ATXN10: variants seen among roughly 807,000 people sequenced by gnomAD.
The protein encoded by ATXN10 is ataxin 10.
A neutral mutation model predicts 52.9 loss-of-function variants in ATXN10; 28 were observed. That is an observed-to-expected ratio of 0.53 (90% CI 0.39 to 0.73). ATXN10 has a LOEUF of 0.73. Among genes scored for constraint, ATXN10 ranks in the 30% least tolerant of loss-of-function variants. The pLI is 0.00. For missense variants in ATXN10, 565 were observed against 577.0 expected (o/e 0.98, Z 0.21); for synonymous variants, 226 against 221.5 (o/e 1.02, Z -0.18).
At chr22:45,788,284 C>T (rs1366737460) in intron 9 of ATXN10, among the ~76,000 whole-genome samples, 1 of 152,006 alleles carries the variant, frequency 6.6e-6, no homozygotes, top group African/African-American at 2.4e-5. Flanking sequence ...CGAAATATGC[C>T]CAAACTGTGC....
rs115180213 is a variant in ATXN10 at position 45,789,673 on chromosome 22, G to C, written c.1174-17286G>C. On this transcript the variant is annotated intron_variant, in intron 9 of 11. Transcript: ENST00000252934. The surrounding 1 kb of genome is among the most constrained non-coding windows in gnomAD (Gnocchi z 4.0). ...CTTCTAACCCATCCAGCCCCTTTGT[G>C]GTGGTGGTGGTGGTGCACTGATGTG... 1.3e-5 allele frequency among the ~76,000 whole-genome samples: 2 copies of C among 152,096 alleles called. No homozygotes were observed. Among genetic ancestry groups the C allele is most frequent in the Non-Finnish European group, 2.9e-5 (2 of 68,004 alleles).
chr22:45,760,427 C>T (rs780946355), intron 9 of ATXN10: 1 of 154,086 alleles, frequency 6.5e-6, no homozygotes, highest in Non-Finnish European at 1.5e-5. Flanking sequence ...TGCAGTTCAA[C>T]AGTGGAGTCA....
intron 10 of ATXN10, among the ~76,000 whole-genome samples, chr22:45,827,010 G>A (rs191350126): frequency 2.6e-5 from 4 of 152,108 alleles, no homozygotes; most frequent in East Asian, 3.9e-4. Flanking sequence ...TATGTTAACC[G>A]AAAGGAGTAA....
At chr22:45,717,788 C>T (rs1334008438) in intron 5 of ATXN10, among the ~76,000 whole-genome samples, 1 of 152,178 alleles carries the variant, frequency 6.6e-6, no homozygotes, top group African/African-American at 2.4e-5. Flanking sequence ...GTCTTTTCCT[C>T]AGATGCCCTC....
chr22:45,740,414 T>C lies in ATXN10; in HGVS notation c.1049T>C (p.Ile350Thr), dbSNP rs1340806436. The part of the protein sequence containing the change: ...IHVAGKETTN[I>T]FSNCGCVRAE... ...GTAGCTGGAAAAGAAACCACAAACA[T>C]CTTCAGTAATTGTGGTTGCGTGAGA... The change falls in exon 9 of 12, where the codon ATC (isoleucine) becomes ACC (threonine). Residue 350 changes from isoleucine to threonine, a missense_variant. By Grantham distance (89) the Ile-to-Thr change is moderately conservative. Transcript: ENST00000252934. 1 of 1,613,908 alleles carries C rather than the reference T, an allele frequency of 6.2e-7. No homozygotes were observed. Among genetic ancestry groups the C allele is most frequent in the East Asian group, 2.2e-5 (1 of 44,848 alleles).
rs1929431522 is a variant in ATXN10, at chr22:45,843,971, A to G, written c.*300A>G. ...ATAATAAACCAGTCTCTTGGAGGGC[A>G]CAACCCTTATTTGACAAAACTTGGA... is the stretch of plus-strand genomic sequence containing the variant. On this transcript the variant is annotated 3_prime_UTR_variant, in exon 12 of 12. Transcript: ENST00000252934. This position sits in a 1 kb window ranked among gnomAD's most constrained non-coding sequence, Gnocchi z 4.5. The G allele has an allele frequency of 2.4e-6, 1 of 411,368 alleles. No individual in the cohort carries two copies. The highest frequency in any genetic ancestry group is 2.0e-5 in the African/African-American group (1 of 49,510). The allele number at this position is 411,368 out of a possible 1,614,324, so 25.5% of individuals were successfully genotyped here.
At chr22:45,680,012 T>C (rs1922855825) in intron 1 of ATXN10, 1 of 152,168 alleles carries the variant, frequency 6.6e-6, no homozygotes, top group South Asian at 2.1e-4. Context: ...TTCCAGTCTT[T>C]TGTAGTGGTC....
chr22:45,718,261 G>A lies in ATXN10; in HGVS notation c.648-152G>A. ...TTAGCTGCTGATAGATTAATAGTAT[G>A]TGAACCTTTTAAGACATTTAAGATT... On this transcript the variant is annotated intron_variant, in intron 5 of 11. Transcript: ENST00000252934. The surrounding 1 kb of genome is among the most constrained non-coding windows in gnomAD (Gnocchi z 4.4). 2.8e-6 allele frequency: 2 copies of A among 713,818 alleles called. No homozygotes were observed. The highest frequency in any genetic ancestry group is 2.5e-6 in the Non-Finnish European group (1 of 399,098). 44.2% of individuals were successfully genotyped at this position (713,818 alleles called of 1,614,324 possible).
chr22:45,691,228 C>T (rs1923361907), intron 2 of ATXN10, among the ~76,000 whole-genome samples: 1 of 152,108 alleles, frequency 6.6e-6, no homozygotes, highest in African/African-American at 2.4e-5. Context: ...CTTTTCCAGT[C>T]ACAAGGTGCT....
At chr22:45,779,100 C>T (rs902531844) in intron 9 of ATXN10, among the ~76,000 whole-genome samples, 1 of 152,134 alleles carries the variant, frequency 6.6e-6, no homozygotes, top group Non-Finnish European at 1.5e-5. Context: ...TCTCTGTGAC[C>T]AGATTCCCCA....
At position 45,816,072 on chromosome 22, in the gene ATXN10, A is replaced by G. The variant is rs1373034826; in HGVS notation, c.1237+9050A>G. ...TGAGACCAGCCTAGTCAACATGGTGAAACTGTCTCTCCTAAAAATACAAAA... is the reference window on the plus strand; with the variant it reads ...TGAGACCAGCCTAGTCAACATGGTGGAACTGTCTCTCCTAAAAATACAAAA... On this transcript the variant is annotated intron_variant, in intron 10 of 11. Transcript: ENST00000252934. The surrounding 1 kb of genome is among the most constrained non-coding windows in gnomAD (Gnocchi z 5.8). 6.6e-6 allele frequency among the ~76,000 whole-genome samples: 1 copy of G among 151,992 alleles called. No homozygotes were observed. The highest frequency in any genetic ancestry group is 2.4e-5 in the African/African-American group (1 of 41,386).
At chr22:45,749,918 G>A (rs1925882972) in intron 9 of ATXN10, among the ~76,000 whole-genome samples, 2 of 152,020 alleles carry the variant, frequency 1.3e-5, no homozygotes, top group Admixed American at 1.3e-4. Context: ...AGGCACATGC[G>A]TATTTCCGAG....
intron 10 of ATXN10, among the ~76,000 whole-genome samples, chr22:45,838,551 T>A (rs1269922969): frequency 6.6e-6 from 1 of 152,242 alleles, no homozygotes; most frequent in Non-Finnish European, 1.5e-5. Flanking sequence ...GTTGGTGGGA[T>A]TAGAGACTTT....
intron 5 of ATXN10, among the ~76,000 whole-genome samples, chr22:45,710,717 C>T (rs746133277): frequency 1.3e-5 from 2 of 152,270 alleles, no homozygotes; most frequent in South Asian, 2.1e-4. Flanking sequence ...CTATTGTCTA[C>T]GGCTGCTTTC....
Position 45,737,690 on chromosome 22 carries a change from CTTTTTTTT to C in ATXN10, c.895-1026_895-1019del, listed in dbSNP as rs544284810. Among the ~76,000 whole-genome samples, 1,011 of 123,238 alleles carry C rather than the reference CTTTTTTTT, an allele frequency of 8.2e-3. 3 individuals are homozygous for C. The highest frequency in any genetic ancestry group is 0.012 in the Admixed American group (140 of 11,854). The allele number at this position is 123,238 out of a possible 152,430, so 80.8% of individuals were successfully genotyped here. ...GTCTTTCTTTTGAAGAATGTTATCT[CTTTTTTTT>C]TTTTTTTTTTTTTTGTTTGAGGCAG... is the stretch of plus-strand genomic sequence containing the variant. On this transcript the variant is annotated intron_variant, in intron 7 of 11. Transcript: ENST00000252934.
rs571830947 is a variant in ATXN10, at chr22:45,835,524, G to A, written c.1238-7467G>A. ...AAGCAAGGACAGTGAATGGGCCTTC[G>A]TTTCAGCATCTTTAATAAAGTACTG... is the stretch of plus-strand genomic sequence containing the variant. On this transcript the variant is annotated intron_variant, in intron 10 of 11. Coordinates refer to ENST00000252934, the MANE Select transcript of ATXN10 (RefSeq NM_013236.4). The surrounding 1 kb of genome is among the most constrained non-coding windows in gnomAD (Gnocchi z 5.0). Among the ~76,000 whole-genome samples, 73 of 152,304 alleles carry A rather than the reference G, an allele frequency of 4.8e-4. 1 individual carries two copies. The South Asian group carries it at 9.9e-3, about 21-fold the overall frequency.
At chr22:45,796,141 G>A (rs1033242365) in intron 9 of ATXN10, among the ~76,000 whole-genome samples, 2 of 152,182 alleles carry the variant, frequency 1.3e-5, no homozygotes, top group Non-Finnish European at 2.9e-5. Context: ...TTCCCAGGGG[G>A]AGGTCTCTAA....
intron 7 of ATXN10, among the ~76,000 whole-genome samples, chr22:45,735,369 C>CTA (rs1202336603): frequency 6.6e-6 from 1 of 151,898 alleles, no homozygotes; most frequent in Non-Finnish European, 1.5e-5. Flanking sequence ...TCGTAGCTTG[C>CTA]TATATTCTCC....
In ATXN10 at chr22:45,680,823, C is replaced by G. The variant is rs553137133; in HGVS notation, c.116+8644C>G. On this transcript the variant is annotated intron_variant, in intron 1 of 11. Transcript: ENST00000252934. Reference sequence around the variant, plus strand: ...ACTCCCCAGTTCTTAAGATCCTTCTCTATGCCCTCAGCAAAATTCCCTGTA... The same window carrying G: ...ACTCCCCAGTTCTTAAGATCCTTCTGTATGCCCTCAGCAAAATTCCCTGTA... Among the ~76,000 whole-genome samples, 8 of 152,256 alleles carry G rather than the reference C, an allele frequency of 5.3e-5. No individual in the cohort carries two copies. In the South Asian group the frequency reaches 1.7e-3, roughly 32 times the overall value.
Sources: allele counts gnomAD v4.1 joint callset (sites outside exome capture counted in the v4.1 genomes callset), GRCh38; gene constraint gnomAD v4.1.1; non-coding constraint Gnocchi (gnomAD v3.1); transcripts MANE v1.5; gene names NCBI Gene and HGNC (gene_info 2026-07-23, HGNC 2026-07-21).